Variants in TSPAN15 observed in about 807,000 individuals in gnomAD.
TSPAN15 encodes the protein tetraspanin 15, also known as tetraspanin-15.
In TSPAN15, 20 loss-of-function variants were observed where a neutral mutation model predicts 34.5. The observed-to-expected ratio is 0.58, with a 90% CI of 0.41 to 0.84. TSPAN15 has a LOEUF of 0.84. Ranked by LOEUF, TSPAN15 falls within the 40% of genes least tolerant of loss-of-function variation. The pLI, the probability that TSPAN15 is intolerant of heterozygous loss-of-function variation, is 0.00. For synonymous variants in TSPAN15, 155 were observed against 153.9 expected (o/e 1.01, Z -0.05); for missense variants, 313 against 386.1 (o/e 0.81, Z 1.59).
chr10:69,486,981 A>G (rs984428308), intron 3 of TSPAN15, among the ~76,000 whole-genome samples: 2 of 151,734 alleles, frequency 1.3e-5, no homozygotes, highest in Non-Finnish European at 2.9e-5. Flanking sequence ...ATGCTGGTTC[A>G]CTTTCCAGCA....
At chr10:69,472,445 C>T (rs1045180588) in intron 1 of TSPAN15, among the ~76,000 whole-genome samples, 4 of 152,312 alleles carry the variant, frequency 2.6e-5, no homozygotes, top group African/African-American at 9.6e-5. Context: ...TGCTGATTCC[C>T]ACATGTGTTG....
chr10:69,502,337 G>A (rs143206045), intron 5 of TSPAN15, among the ~76,000 whole-genome samples: 97 of 152,328 alleles, frequency 6.4e-4, no homozygotes, highest in South Asian at 2.5e-3. Flanking sequence ...CCAGACTGCT[G>A]TGCCTGCTGA....
intron 1 of TSPAN15, among the ~76,000 whole-genome samples, chr10:69,480,844 T>G (rs888694664): frequency 6.6e-6 from 1 of 152,270 alleles, no homozygotes; most frequent in African/African-American, 2.4e-5. Flanking sequence ...ATTACAGACA[T>G]GTGCCACCAA....
the TSPAN15 span, among the ~76,000 whole-genome samples, chr10:69,544,805 C>T: frequency 6.6e-6 from 1 of 152,170 alleles, no homozygotes; most frequent in Non-Finnish European, 1.5e-5. Flanking sequence ...CTCCCGCTCT[C>T]CCTCCCCTTC....
intron 6 of TSPAN15, among the ~76,000 whole-genome samples, chr10:69,505,790 C>T (rs944399706): frequency 6.6e-6 from 1 of 152,118 alleles, no homozygotes; most frequent in Non-Finnish European, 1.5e-5. Context: ...GGAAAACATC[C>T]GTGAGGCTTT....
intron 1 of TSPAN15, among the ~76,000 whole-genome samples, chr10:69,459,026 CA>C (rs1278253489): frequency 6.9e-6 from 1 of 145,606 alleles, no homozygotes; most frequent in Admixed American, 7.1e-5. Context: ...ATTTCTGTAC[CA>C]ACTGGCTCCA....
At chr10:69,483,967 C>T in intron 2 of TSPAN15, 91 bp downstream of exon 2, 1 of 1,415,272 alleles carries the variant, frequency 7.1e-7, no homozygotes, top group South Asian at 1.4e-5. Flanking sequence ...TTTCTTTTGT[C>T]CCTGCCTCAA....
At chr10:69,466,710 T>C (rs10823392) in intron 1 of TSPAN15, among the ~76,000 whole-genome samples, 70,118 of 152,096 alleles carry the variant, frequency 0.46, 16,653 homozygotes, top group African/African-American at 0.54. Context: ...TTTCTGGGAA[T>C]GTAGGCAGTG....
At position 69,506,269 on chromosome 10, in the gene TSPAN15, G is replaced by A. The variant is rs752897588; in HGVS notation, c.735+29G>A. 2 of 1,601,680 alleles carry A rather than the reference G, an allele frequency of 1.2e-6. No individual in the cohort carries two copies. On this transcript the variant is annotated intron_variant, in intron 7 of 7. Coordinates refer to ENST00000373290, the MANE Select transcript of TSPAN15 (RefSeq NM_012339.5). The surrounding 1 kb of genome is among the most constrained non-coding windows in gnomAD (Gnocchi z 4.7). ...GGCAGGCCGTGGGTTCAGAGAAAGTGTGACTTGGTGATTGCAGAAGGGCAG... is the reference window on the plus strand; with the variant it reads ...GGCAGGCCGTGGGTTCAGAGAAAGTATGACTTGGTGATTGCAGAAGGGCAG...
chr10:69,537,486 G>A, the TSPAN15 span, among the ~76,000 whole-genome samples: 1 of 152,136 alleles, frequency 6.6e-6, no homozygotes, highest in Non-Finnish European at 1.5e-5. Flanking sequence ...CTGAGATCAA[G>A]GTGTCGTCAG....
At position 69,484,988 on chromosome 10, in the gene TSPAN15, C is replaced by T. The variant is rs543432775; in HGVS notation, c.283-153C>T. On this transcript the variant is annotated intron_variant, in intron 2 of 7. Coordinates refer to ENST00000373290, the MANE Select transcript of TSPAN15 (RefSeq NM_012339.5). The stretch of plus-strand genomic sequence containing the variant: ...GCCTGCCTGTCCACGTCCACGTTCT[C>T]ACAGGAGGAGGGGGCAGAGGCCTAG... Among the ~76,000 whole-genome samples, 12 of 152,332 alleles carry T rather than the reference C, an allele frequency of 7.9e-5. No homozygotes were observed. In the South Asian group the frequency reaches 2.5e-3, roughly 32 times the overall value.
the TSPAN15 span, among the ~76,000 whole-genome samples, chr10:69,528,769 A>G: frequency 1.3e-5 from 2 of 148,434 alleles, no homozygotes; most frequent in African/African-American, 4.9e-5. Context: ...AGCTGCTAGC[A>G]GAGAGGAGAC....
In TSPAN15 at chr10:69,487,111, G is replaced by A. The variant is rs528524780; in HGVS notation, c.357+1896G>A. On this transcript the variant is annotated intron_variant, in intron 3 of 7. Coordinates refer to ENST00000373290, the MANE Select transcript of TSPAN15 (RefSeq NM_012339.5). ...CTACGGGTTAGTGCTTTCCTGGCTG[G>A]AGCCCAGGTCCAGTTTGTGGCCAAC... 2.0e-5 allele frequency among the ~76,000 whole-genome samples: 3 copies of A among 152,108 alleles called. No individual in the cohort carries two copies. In the South Asian group the frequency reaches 6.2e-4, roughly 32 times the overall value.
chr10:69,505,164 C>T (rs957270099), intron 6 of TSPAN15, among the ~76,000 whole-genome samples: 12 of 152,196 alleles, frequency 7.9e-5, no homozygotes, highest in Non-Finnish European at 1.6e-4. Flanking sequence ...TATTTATTAT[C>T]CCCAAGTGAA....
intron 4 of TSPAN15, 31 bp downstream of exon 4, chr10:69,495,720 C>T (rs1268139870): frequency 1.3e-6 from 2 of 1,487,162 alleles, no homozygotes; most frequent in Admixed American, 1.7e-5. Flanking sequence ...TAGAGATGCG[C>T]CTCCCGTGCT....
chr10:69,462,673 G>A (rs1041244178), intron 1 of TSPAN15, among the ~76,000 whole-genome samples: 3 of 152,166 alleles, frequency 2.0e-5, no homozygotes, highest in African/African-American at 7.2e-5. Flanking sequence ...TGATTCTAAC[G>A]TGCAGCTGGA....
At chr10:69,483,012 C>T (rs908289794) in intron 1 of TSPAN15, among the ~76,000 whole-genome samples, 7 of 151,694 alleles carry the variant, frequency 4.6e-5, no homozygotes, top group Admixed American at 1.3e-4. Context: ...TTTTTGAGAC[C>T]GAGTCTCGCT....
chr10:69,496,225 C>T (rs938241920), intron 4 of TSPAN15, among the ~76,000 whole-genome samples: 6 of 152,006 alleles, frequency 3.9e-5, no homozygotes, highest in African/African-American at 1.4e-4. Context: ...CCAGACGCCT[C>T]TCTTACTTTC....
intron 6 of TSPAN15, among the ~76,000 whole-genome samples, chr10:69,505,631 C>T (rs1431787182): frequency 6.6e-6 from 1 of 151,192 alleles, no homozygotes; most frequent in African/African-American, 2.4e-5. Flanking sequence ...TGGCCTCAAA[C>T]TCCTAGGCTT....
Sources: allele counts gnomAD v4.1 joint callset (sites outside exome capture counted in the v4.1 genomes callset), GRCh38; gene constraint gnomAD v4.1.1; non-coding constraint Gnocchi (gnomAD v3.1); transcripts MANE v1.5; gene names NCBI Gene and HGNC (gene_info 2026-07-23, HGNC 2026-07-21).